The following RAB8B variants were observed in gnomAD, a reference collection of about 807,000 sequenced individuals.
RAB8B encodes the protein RAB8B, member RAS oncogene family, also known as ras-related protein Rab-8B.
In RAB8B, 11 loss-of-function variants were observed where a neutral mutation model predicts 32.0. The observed-to-expected ratio is 0.34, with a 90% confidence interval of 0.22 to 0.57. The LOEUF (loss-of-function observed/expected upper bound fraction) is 0.57. Among genes scored for constraint, RAB8B ranks in the 20% least tolerant of loss-of-function variants. RAB8B has a pLI of 0.86. For synonymous variants in RAB8B, 103 were observed against 89.6 expected (o/e 1.15, Z -0.85); for missense variants, 190 against 258.5 (o/e 0.73, Z 1.82).
chr15:63,203,694 C>T (rs1358967914), intron 1 of RAB8B, among the ~76,000 whole-genome samples: 4 of 152,164 alleles, frequency 2.6e-5, no homozygotes, highest in South Asian at 4.1e-4. Context: ...ATTCTTGCAA[C>T]GCGTCTTAGT....
chr15:63,221,234 A>G (rs2037841827), intron 1 of RAB8B, among the ~76,000 whole-genome samples: 1 of 152,162 alleles, frequency 6.6e-6, no homozygotes, highest in South Asian at 2.1e-4. Context: ...ATAATGTTGG[A>G]TATGTTGGAT....
intron 1 of RAB8B, among the ~76,000 whole-genome samples, chr15:63,192,609 T>C (rs905776368): frequency 2.0e-5 from 3 of 152,230 alleles, no homozygotes; most frequent in Non-Finnish European, 4.4e-5. Context: ...TGGGTGTCTG[T>C]TTCTTCCCAT....
At chr15:63,192,757 A>T (rs536705184) in intron 1 of RAB8B, among the ~76,000 whole-genome samples, 2 of 152,242 alleles carry the variant, frequency 1.3e-5, no homozygotes, top group East Asian at 3.9e-4. Flanking sequence ...TTGATTCCAG[A>T]TACAGTTGTC....
chr15:63,238,135 A>G (rs1275575602), intron 1 of RAB8B, among the ~76,000 whole-genome samples: 1 of 151,974 alleles, frequency 6.6e-6, no homozygotes, highest in Non-Finnish European at 1.5e-5. Flanking sequence ...TGGTTACCAT[A>G]GCTCTGTAGT....
intron 1 of RAB8B, among the ~76,000 whole-genome samples, chr15:63,222,612 A>G (rs2037853840): frequency 6.6e-6 from 1 of 152,216 alleles, no homozygotes; most frequent in African/African-American, 2.4e-5. Context: ...ATCTTGGCTC[A>G]CTGCAACCTC....
intron 1 of RAB8B, among the ~76,000 whole-genome samples, chr15:63,205,671 A>C (rs985524497): frequency 3.9e-5 from 6 of 152,176 alleles, no homozygotes; most frequent in African/African-American, 1.4e-4. Flanking sequence ...GGTTCATAAG[A>C]AGTGACACAT....
chr15:63,209,751 C>A (rs932793620), intron 1 of RAB8B, among the ~76,000 whole-genome samples: 3 of 145,584 alleles, frequency 2.1e-5, no homozygotes, highest in Non-Finnish European at 3.0e-5. Context: ...GCTCGTTTAT[C>A]TTTTTTTTTT....
chr15:63,230,283 T>G (rs2037925191), intron 1 of RAB8B, among the ~76,000 whole-genome samples: 1 of 152,176 alleles, frequency 6.6e-6, no homozygotes. Flanking sequence ...TTTGTTTATT[T>G]TATAATCTCT....
Position 63,248,182 on chromosome 15 carries a change from G to C in RAB8B, c.186-1463G>C, listed in dbSNP as rs2038086243. On this transcript the variant is annotated intron_variant, in intron 2 of 7. Transcript: ENST00000321437. This position sits in a 1 kb window ranked among gnomAD's most constrained non-coding sequence, Gnocchi z 4.4. Reference sequence around the variant, plus strand: ...GCTTTTTTGTAAGGCCTGGCCCAGAGCTGAACAGCTGAGACCTAAGATGCT... The same window carrying C: ...GCTTTTTTGTAAGGCCTGGCCCAGACCTGAACAGCTGAGACCTAAGATGCT... Among the ~76,000 whole-genome samples, 1 of 152,200 alleles carries C rather than the reference G, an allele frequency of 6.6e-6. No individual in the cohort carries two copies. Among genetic ancestry groups the C allele is most frequent in the South Asian group, 2.1e-4 (1 of 4,832 alleles).
chr15:63,231,953 A>C (rs912521319), intron 1 of RAB8B, among the ~76,000 whole-genome samples: 1 of 152,194 alleles, frequency 6.6e-6, no homozygotes, highest in South Asian at 2.1e-4. Flanking sequence ...TTTCCTTTTC[A>C]AAGTGCAAGA....
chr15:63,256,384 C>A (rs2038158892), intron 4 of RAB8B, 121 bp from the exon 5 acceptor site: 3 of 668,192 alleles, frequency 4.5e-6, no homozygotes, highest in Non-Finnish European at 7.4e-6. Context: ...CTGAATTAGG[C>A]CTTGTGTGAG....
At chr15:63,244,991 T>C (rs1471221454) in intron 2 of RAB8B, among the ~76,000 whole-genome samples, 175 bp downstream of exon 2, 2 of 152,054 alleles carry the variant, frequency 1.3e-5, no homozygotes, top group African/African-American at 4.8e-5. Context: ...TCACCAAGAG[T>C]TGGGAAGGTG....
intron 1 of RAB8B, among the ~76,000 whole-genome samples, chr15:63,238,824 C>T (rs1395401822): frequency 6.6e-6 from 1 of 152,080 alleles, no homozygotes; most frequent in Non-Finnish European, 1.5e-5. Flanking sequence ...GGTAATTCCC[C>T]GTGGCAGTGA....
chr15:63,249,376 A>G (rs1391546170), intron 2 of RAB8B, among the ~76,000 whole-genome samples: 1 of 152,164 alleles, frequency 6.6e-6, no homozygotes, highest in Non-Finnish European at 1.5e-5. Flanking sequence ...ACCAGTTCCT[A>G]GCAGGATTTT....
intron 1 of RAB8B, among the ~76,000 whole-genome samples, chr15:63,192,766 T>G (rs1809160415): frequency 6.6e-6 from 1 of 152,218 alleles, no homozygotes; most frequent in African/African-American, 2.4e-5. Context: ...GATACAGTTG[T>G]CTCAGAGATA....
chr15:63,220,504 G>A (rs1400410169), intron 1 of RAB8B, among the ~76,000 whole-genome samples: 1 of 151,996 alleles, frequency 6.6e-6, no homozygotes, highest in Non-Finnish European at 1.5e-5. Flanking sequence ...GAGAATAGAA[G>A]AGAGTACAGT....
Position 63,262,761 on chromosome 15 carries a change from T to G in RAB8B, c.531+19T>G, listed in dbSNP as rs2038213473. ...AAAAATGGTTTGTATCACTTATAAT[T>G]TTTATTTCCATTATGCTGTCTGTTT... On this transcript the variant is annotated intron_variant, in intron 7 of 7. Coordinates refer to ENST00000321437, the MANE Select transcript of RAB8B (RefSeq NM_016530.3). 2 of 1,331,176 alleles carry G rather than the reference T, an allele frequency of 1.5e-6. No homozygotes were observed. Among genetic ancestry groups the G allele is most frequent in the Non-Finnish European group, 2.0e-6 (2 of 992,894 alleles). The allele number at this position is 1,331,176 out of a possible 1,614,324, so 82.5% of individuals were successfully genotyped here. A position where few individuals can be genotyped will look rare whatever the true frequency, so the allele number is the denominator to read the frequency against.
rs2037944895 is a variant in RAB8B, at chr15:63,232,661, G to A, written c.125-12095G>A. 4.6e-5 allele frequency among the ~76,000 whole-genome samples: 7 copies of A among 152,204 alleles called. No individual in the cohort carries two copies. The South Asian group carries it at 8.3e-4, about 18-fold the overall frequency. ...TTCATAGGATGGAAGAACCAAACAC[G>A]TCAGAAAATTCTAGTCCATCTTCTT... On this transcript the variant is annotated intron_variant, in intron 1 of 7. Transcript: ENST00000321437.
rs146443748 is a variant in RAB8B, at chr15:63,266,373, A to G, written c.*2754A>G. On this transcript the variant is annotated 3_prime_UTR_variant, in exon 8 of 8. Transcript: ENST00000321437. ...TTCGCTGGGAACTTATTTTAGCTAT[A>G]TTTTACTTCAGACAGATTATGATAC... is the stretch of plus-strand genomic sequence containing the variant. The G allele has an allele frequency of 3.0e-3, 453 of 152,704 alleles. 5 individuals are homozygous for G. The highest frequency in any genetic ancestry group is 0.011 in the African/African-American group (440 of 41,574). The allele number at this position is 152,704 out of a possible 1,614,324, so 9.5% of individuals were successfully genotyped here.
Sources: allele counts gnomAD v4.1 joint callset (sites outside exome capture counted in the v4.1 genomes callset), GRCh38; gene constraint gnomAD v4.1.1; non-coding constraint Gnocchi (gnomAD v3.1); transcripts MANE v1.5; gene names NCBI Gene and HGNC (gene_info 2026-07-23, HGNC 2026-07-21).